Variants in ORMDL1 observed in about 807,000 individuals in gnomAD.
The protein encoded by ORMDL1 is ORMDL sphingolipid biosynthesis regulator 1.
ORMDL1 carries 10 observed loss-of-function variants against 13.0 expected under a neutral mutation model. That is an observed-to-expected ratio of 0.77 (90% CI 0.47 to 1.30). The LOEUF is 1.30. Among genes scored for constraint, ORMDL1 ranks in the 50% most tolerant of loss-of-function variants. The probability of loss-of-function intolerance (pLI) is 0.00; values close to 1 mark genes in which losing one functional copy is unlikely to be tolerated. For synonymous variants in ORMDL1, 61 were observed against 63.9 expected, an observed-to-expected ratio of 0.95 and a Z score of 0.22; for missense variants, 171 against 186.7, an observed-to-expected ratio of 0.92 and a Z score of 0.49.
chr2:189,774,418 C>G (rs1009931880), intron 4 of ORMDL1, among the ~76,000 whole-genome samples: 1 of 152,180 alleles, frequency 6.6e-6, no homozygotes, highest in African/African-American at 2.4e-5. Flanking sequence ...ATTTTATGAT[C>G]AGTTTATTCC....
At chr2:189,781,617 T>C (rs1009607831) in intron 3 of ORMDL1, among the ~76,000 whole-genome samples, 2 of 151,780 alleles carry the variant, frequency 1.3e-5, no homozygotes, top group Non-Finnish European at 2.9e-5. Flanking sequence ...TTTAGATAGA[T>C]AAGTTAACAA....
At chr2:189,764,479 A>T in the ORMDL1 span, 2 of 152,220 alleles carry the variant, frequency 1.3e-5, no homozygotes, top group Non-Finnish European at 2.9e-5. Context: ...GCACATTAGT[A>T]TGGAATTTTA....
At chr2:189,778,852 G>A (rs1021917020) in intron 3 of ORMDL1, among the ~76,000 whole-genome samples, 8 of 152,098 alleles carry the variant, frequency 5.3e-5, no homozygotes, top group Admixed American at 2.6e-4. Context: ...CCAAGATTGC[G>A]CCACTGCACT....
intron 3 of ORMDL1, among the ~76,000 whole-genome samples, chr2:189,777,848 C>T (rs888556377): frequency 6.6e-6 from 1 of 152,134 alleles, no homozygotes; most frequent in Non-Finnish European, 1.5e-5. Context: ...TTTTTCTAAC[C>T]GGGTGTAACA....
At chr2:189,776,800 G>A (rs1192751298) in intron 3 of ORMDL1, among the ~76,000 whole-genome samples, 1 of 152,010 alleles carries the variant, frequency 6.6e-6, no homozygotes, top group South Asian at 2.1e-4. Context: ...CATTTAATAG[G>A]TGGCTTATAT....
chr2:189,769,106 C>T (rs1009010507), downstream of ORMDL1, among the ~76,000 whole-genome samples: 12 of 151,966 alleles, frequency 7.9e-5, no homozygotes, highest in Non-Finnish European at 1.2e-4. Flanking sequence ...GTAGGGGGCC[C>T]GGCATGTTGG....
At chr2:189,766,162 A>G (rs909574948), downstream of ORMDL1, among the ~76,000 whole-genome samples, 1 of 152,102 alleles carries the variant, frequency 6.6e-6, no homozygotes, top group Non-Finnish European at 1.5e-5. Flanking sequence ...GCTGACCAGT[A>G]TCTCTTGATG....
chr2:189,770,159 A>G (rs965684319), downstream of ORMDL1, among the ~76,000 whole-genome samples: 2 of 152,180 alleles, frequency 1.3e-5, no homozygotes, highest in African/African-American at 2.4e-5. Flanking sequence ...GGAGACTTCT[A>G]TCTCTGAAGT....
intron 3 of ORMDL1, chr2:189,778,445 A>G (rs184249586): frequency 9.2e-5 from 42 of 456,082 alleles, no homozygotes; most frequent in African/African-American, 7.8e-4. Flanking sequence ...GTTCTTAGCG[A>G]TACAAAAATT....
rs1366448136 is a variant in ORMDL1, at chr2:189,778,537, T to C, written c.175-2821A>G. ...AATGCAGCATGGGAGTTGTGTAGAT[T>C]CCTGGAGGGACAGTTTTGCTGTAGG... On this transcript the variant is annotated intron_variant, in intron 3 of 4. Transcript: ENST00000392349. 22 of 427,448 alleles carry C rather than the reference T, an allele frequency of 5.1e-5. No homozygotes were observed. In the Admixed American group the frequency reaches 5.7e-4, roughly 11 times the overall value. The allele number at this position is 427,448 out of a possible 1,614,324, so 26.5% of individuals were successfully genotyped here.
At chr2:189,777,088 T>A (rs553900065) in intron 3 of ORMDL1, among the ~76,000 whole-genome samples, 7 of 152,336 alleles carry the variant, frequency 4.6e-5, no homozygotes, top group African/African-American at 1.7e-4. Flanking sequence ...CCTACCTCAT[T>A]AGTAATAATT....
Position 189,778,617 on chromosome 2 carries a change from G to A in ORMDL1, c.175-2901C>T, listed in dbSNP as rs528385554. ...GTATTAAAATAGTAGAGACTGGGCCGGGCATGGTAGCTCACACCTGTAATC... is the reference window on the plus strand; with the variant it reads ...GTATTAAAATAGTAGAGACTGGGCCAGGCATGGTAGCTCACACCTGTAATC... On this transcript the variant is annotated intron_variant, in intron 3 of 4. Transcript: ENST00000392349. Among the ~76,000 whole-genome samples, 13 of 152,022 alleles carry A rather than the reference G, an allele frequency of 8.6e-5. 2 individuals are homozygous for A. In the South Asian group the frequency reaches 2.7e-3, roughly 32 times the overall value.
intron 3 of ORMDL1, among the ~76,000 whole-genome samples, chr2:189,780,552 A>C (rs2047799941): frequency 6.6e-6 from 1 of 152,216 alleles, no homozygotes; most frequent in Admixed American, 6.5e-5. Flanking sequence ...GAAACTGAAA[A>C]TATGGGTAGA....
At chr2:189,765,839 A>ATTTTTTTTTTTTTTTTTTTT (rs72132150), downstream of ORMDL1, among the ~76,000 whole-genome samples, 1 of 106,750 alleles carries the variant, frequency 9.4e-6, no homozygotes. Context: ...TACTTTCTCC[A>ATTTTTTTTTTTTTTTTTTTT]TTTTTTTTTT....
intron 4 of ORMDL1, 114 bp from the exon 5 acceptor site, chr2:189,772,016 A>T: frequency 1.2e-6 from 1 of 803,884 alleles, no homozygotes; most frequent in Non-Finnish European, 1.8e-6. Context: ...CCTAAAAATG[A>T]AACTATTTTT....
downstream of ORMDL1, among the ~76,000 whole-genome samples, chr2:189,769,138 T>C (rs1017785850): frequency 6.6e-6 from 1 of 152,130 alleles, no homozygotes; most frequent in African/African-American, 2.4e-5. Flanking sequence ...AATCCCAGCC[T>C]GACCAACATG....
intron 2 of ORMDL1, 42 bp from the exon 3 acceptor site, chr2:189,782,644 C>T (rs371500940): frequency 6.4e-7 from 1 of 1,552,648 alleles, no homozygotes; most frequent in South Asian, 1.1e-5. Flanking sequence ...ATACAACTGG[C>T]AACCTAACAC....
chr2:189,781,756 T>C (rs1440747330), intron 3 of ORMDL1, among the ~76,000 whole-genome samples: 1 of 152,140 alleles, frequency 6.6e-6, no homozygotes, highest in East Asian at 1.9e-4. Flanking sequence ...CAGATTAGAA[T>C]TCTTCAAAAT....
At position 189,771,596 on chromosome 2, in the gene ORMDL1, T is replaced by C; in HGVS notation, c.*171A>G. The C allele has an allele frequency of 1.8e-6, 1 of 541,298 alleles. No individual in the cohort carries two copies. Among genetic ancestry groups the C allele is most frequent in the Non-Finnish European group, 3.1e-6 (1 of 323,910 alleles). 33.5% of individuals were successfully genotyped at this position (541,298 alleles called of 1,614,324 possible). On this transcript the variant is annotated 3_prime_UTR_variant, in exon 5 of 5. Transcript: ENST00000392349. ...GTACCAGGTGTATTAAACAGAGGCA[T>C]CATTTAATGGAAATCTGCACTTCAA...
Sources: allele counts gnomAD v4.1 joint callset (sites outside exome capture counted in the v4.1 genomes callset), GRCh38; gene constraint gnomAD v4.1.1; transcripts MANE v1.5; gene names NCBI Gene and HGNC (gene_info 2026-07-23, HGNC 2026-07-21).